The following ZNF410 variants were observed in gnomAD, a reference collection of about 807,000 sequenced individuals.
The protein encoded by ZNF410 is another partner for ARF 1.
In ZNF410, 18 loss-of-function variants were observed where a neutral mutation model predicts 54.8. The observed-to-expected ratio is 0.33, with a 90% CI of 0.23 to 0.49. ZNF410 has a LOEUF of 0.49. Among genes scored for constraint, ZNF410 ranks in the 20% least tolerant of loss-of-function variants. ZNF410 has a pLI of 0.99. For missense variants in ZNF410, 405 were observed against 569.6 expected (o/e 0.71, Z 2.94); for synonymous variants, 191 against 207.3 (o/e 0.92, Z 0.68).
chr14:73,923,633 G>C, intron 11 of ZNF410, 111 bp downstream of exon 11: 1 of 1,403,482 alleles, frequency 7.1e-7, no homozygotes, highest in Non-Finnish European at 9.7e-7. Flanking sequence ...ACTTTGGCAC[G>C]AATATTTTCC....
intron 6 of ZNF410, 105 bp from the exon 7 acceptor site, chr14:73,904,797 G>C: frequency 7.7e-7 from 1 of 1,300,516 alleles, no homozygotes; most frequent in Admixed American, 2.6e-5. Context: ...GATATATCCA[G>C]TTTTTGGACT....
chr14:73,894,340 C>G, intron 3 of ZNF410: 1 of 702,686 alleles, frequency 1.4e-6, no homozygotes. Flanking sequence ...TAAAAGGACT[C>G]CATTATTGAC....
At chr14:73,916,314 G>C (rs2055666447) in intron 8 of ZNF410, 1 of 152,148 alleles carries the variant, frequency 6.6e-6, no homozygotes, top group Non-Finnish European at 1.5e-5. Flanking sequence ...TTGAGCAGCT[G>C]GCACTACAGG....
chr14:73,899,157 CTTA>C (rs145102964), intron 5 of ZNF410, among the ~76,000 whole-genome samples: 2,585 of 151,242 alleles, frequency 0.017, 69 homozygotes, highest in African/African-American at 0.058. Context: ...CTAGTATATG[CTTA>C]TTATTATTTT....
intron 11 of ZNF410, among the ~76,000 whole-genome samples, chr14:73,924,169 A>T (rs1232994404): frequency 6.6e-6 from 1 of 152,136 alleles, no homozygotes; most frequent in Non-Finnish European, 1.5e-5. Context: ...GGCACCAGGG[A>T]CCGGTTTCGT....
chr14:73,924,022 T>G (rs1375198471), intron 11 of ZNF410, among the ~76,000 whole-genome samples: 1 of 152,170 alleles, frequency 6.6e-6, no homozygotes, highest in Non-Finnish European at 1.5e-5. Context: ...ACAAAATCAT[T>G]AAACATAATT....
chr14:73,921,106 G>A lies in ZNF410; in HGVS notation c.1129+1G>A, dbSNP rs750072680. ...GGGAGTCAAGAGCAGGAGCAAACTG[G>A]TGAGGAGGGTGGGCATAGTGGAACG... On this transcript the variant is annotated splice_donor_variant, in intron 9 of 11. Transcript: ENST00000555044. LOFTEE classifies it high-confidence loss of function. 9 of 1,613,750 alleles carry A rather than the reference G, an allele frequency of 5.6e-6. No homozygotes were observed. The African/African-American group carries it at 8.0e-5, about 14-fold the overall frequency.
chr14:73,903,564 A>G (rs1594752193), intron 5 of ZNF410: 3 of 171,922 alleles, frequency 1.7e-5, no homozygotes, highest in East Asian at 3.3e-4. Flanking sequence ...GTCACAGCTC[A>G]CTATAGCCTC....
intron 11 of ZNF410, chr14:73,927,236 C>A: frequency 4.4e-6 from 1 of 228,446 alleles, no homozygotes; most frequent in South Asian, 3.8e-5. Flanking sequence ...CAGGCAGGTG[C>A]CACCACGCCC....
intron 3 of ZNF410, among the ~76,000 whole-genome samples, chr14:73,894,678 T>C (rs976789946): frequency 2.6e-5 from 4 of 152,088 alleles, no homozygotes; most frequent in Non-Finnish European, 4.4e-5. Flanking sequence ...CAGTCCGCCT[T>C]GGCCTCCCAA....
chr14:73,905,149 A>T lies in ZNF410; in HGVS notation c.913+66A>T. On this transcript the variant is annotated intron_variant, in intron 7 of 11. Transcript: ENST00000555044. ...TGGCTCTGCATGTTTGCCTCTCCTT[A>T]GGAAAGACTCAAGTGGGAATAGAAA... is the stretch of plus-strand genomic sequence containing the variant. 2.0e-6 allele frequency: 3 copies of T among 1,520,770 alleles called. No individual in the cohort carries two copies. In the South Asian group the frequency reaches 3.8e-5, roughly 19 times the overall value. 94.2% of individuals were successfully genotyped at this position (1,520,770 alleles called of 1,614,324 possible). A position where few individuals can be genotyped will look rare whatever the true frequency, so the allele number is the denominator to read the frequency against.
intron 2 of ZNF410, 65 bp downstream of exon 2, chr14:73,892,273 T>C (rs1281796518): frequency 1.3e-6 from 2 of 1,556,016 alleles, no homozygotes; most frequent in Non-Finnish European, 1.7e-6. Flanking sequence ...ATCTTCAGTT[T>C]AGGGGGTCAG....
chr14:73,898,020 A>G (rs1292626960), intron 4 of ZNF410, 51 bp from the exon 5 acceptor site: 2 of 1,518,502 alleles, frequency 1.3e-6, no homozygotes, highest in East Asian at 2.3e-5. Flanking sequence ...AGCCAGGGCA[A>G]ATAAAAAGCT....
intron 11 of ZNF410, among the ~76,000 whole-genome samples, chr14:73,924,251 A>C (rs971032399): frequency 2.0e-5 from 3 of 152,128 alleles, no homozygotes; most frequent in African/African-American, 7.2e-5. Context: ...TACACAGTTC[A>C]CAATAGGGTT....
chr14:73,891,790 C>T (rs2055234214), intron 1 of ZNF410: 4 of 529,330 alleles, frequency 7.6e-6, no homozygotes, highest in Admixed American at 3.8e-5. Flanking sequence ...TAGCTCTATC[C>T]ATATTTAAGA....
At chr14:73,887,987 G>A (rs2055170334) in intron 1 of ZNF410, among the ~76,000 whole-genome samples, 1 of 152,016 alleles carries the variant, frequency 6.6e-6, no homozygotes, top group African/African-American at 2.4e-5. Flanking sequence ...CATAAAGGAT[G>A]TATTGGAAAG....
intron 11 of ZNF410, among the ~76,000 whole-genome samples, chr14:73,925,582 C>G (rs2055817828): frequency 6.6e-6 from 1 of 152,114 alleles, no homozygotes; most frequent in Non-Finnish European, 1.5e-5. Context: ...CACCCACTAC[C>G]AAACCCGGCT....
chr14:73,928,021 T>TA (rs1279439789), intron 11 of ZNF410: 1 of 168,290 alleles, frequency 5.9e-6, no homozygotes. Flanking sequence ...GTATTTTTGA[T>TA]AGAGACGGGG....
intron 11 of ZNF410, chr14:73,927,727 T>C (rs1034710184): frequency 1.3e-5 from 2 of 152,038 alleles, no homozygotes; most frequent in African/African-American, 2.4e-5. Flanking sequence ...CTGCCTCAAA[T>C]AGCTTATAGG....
Sources: gnomAD v4.1 joint callset for allele counts (sites outside exome capture counted in the v4.1 genomes callset) on GRCh38, gnomAD v4.1.1 for gene constraint, MANE v1.5 for transcripts, NCBI Gene and HGNC (gene_info 2026-07-23, HGNC 2026-07-21) for gene names.